The following ASIC5 variants were observed in gnomAD, a reference collection of about 807,000 sequenced individuals.
The protein encoded by ASIC5 is acid sensing ion channel subunit family member 5.
Under a neutral mutation model 51.2 loss-of-function variants are expected in ASIC5, and 52 were observed. The ratio of observed to expected loss-of-function variants is 1.02; its 90% confidence interval spans 0.81 to 1.28. The LOEUF (loss-of-function observed/expected upper bound fraction) is 1.28. Ranked by LOEUF, ASIC5 falls within the 50% of genes most tolerant of loss-of-function variation. The probability of loss-of-function intolerance (pLI) is 0.00; values close to 1 mark genes in which losing one functional copy is unlikely to be tolerated. For synonymous variants in ASIC5, 231 were observed against 200.7 expected (o/e 1.15, Z -1.28); for missense variants, 635 against 595.0 (o/e 1.07, Z -0.70).
rs764348626 is a variant in ASIC5, at chr4:155,842,347, T to A, written c.869A>T (p.His290Leu). ...RVTIRQVKTV[H>L]QEYPWGECNP... ...GCATTCTCCCCAAGGGTATTCTTGA[T>A]GAACTGTCTTAAGATAAGATAAATA... Residue 290 changes from histidine (H) to leucine (L), a missense_variant, in exon 6 of 10, where the codon CAT (histidine) becomes CTT (leucine). Transcript: ENST00000537611. The A allele has an allele frequency of 3.1e-6, 5 of 1,612,316 alleles. No individual in the cohort carries two copies. The highest frequency in any genetic ancestry group is 4.2e-6 in the Non-Finnish European group (5 of 1,178,922).
intron 8 of ASIC5, among the ~76,000 whole-genome samples, chr4:155,833,293 C>T (rs1407005675): frequency 6.6e-6 from 1 of 152,028 alleles, no homozygotes; most frequent in African/African-American, 2.4e-5. Context: ...TTTAAAATGG[C>T]AATAATAATA....
At chr4:155,847,934 T>A (rs1382875316) in intron 4 of ASIC5, among the ~76,000 whole-genome samples, 2 of 152,092 alleles carry the variant, frequency 1.3e-5, no homozygotes, top group African/African-American at 4.8e-5. Flanking sequence ...GCATATGGAC[T>A]CCTGTGTCAG....
At chr4:155,844,615 T>TTG (rs147269130) in intron 4 of ASIC5, among the ~76,000 whole-genome samples, 109,849 of 150,534 alleles carry the variant, frequency 0.73, 42,961 homozygotes, top group Non-Finnish European at 0.87. Flanking sequence ...TCTTGTGGGG[T>TTG]TGTGTGTGTG....
At chr4:155,858,395 G>C (rs1273095395) in intron 2 of ASIC5, among the ~76,000 whole-genome samples, 2 of 152,048 alleles carry the variant, frequency 1.3e-5, no homozygotes, top group African/African-American at 2.4e-5. Flanking sequence ...ATATGGCTGT[G>C]CTATGGAACA....
intron 2 of ASIC5, among the ~76,000 whole-genome samples, chr4:155,859,111 T>C (rs1015300148): frequency 1.3e-5 from 2 of 151,976 alleles, no homozygotes; most frequent in African/African-American, 4.8e-5. Context: ...AGGAACAAAA[T>C]GGGAAGCAGT....
Position 155,863,645 on chromosome 4 carries a change from T to C in ASIC5, c.150A>G (p.Ile50Met), listed in dbSNP as rs780716791. 5 of 1,613,912 alleles carry C rather than the reference T, an allele frequency of 3.1e-6. No homozygotes were observed. In the Admixed American group the frequency reaches 6.7e-5, roughly 22 times the overall value. The change falls in exon 2 of 10, where the codon ATA (isoleucine) becomes ATG (methionine). Residue 50 changes from isoleucine (I) to methionine (M), a missense_variant. Physicochemically the swap from Ile to Met is conservative, Grantham distance 10 (BLOSUM62 1). Coordinates refer to ENST00000537611, the MANE Select transcript of ASIC5 (RefSeq NM_017419.3). ...DFAISTSFHG[I>M]HNIVQNRSKI... ...TGCTCCGGTTCTGAACAATATTGTG[T>C]ATCCCATGAAAGGAAGTGGAGATGG... is the stretch of plus-strand genomic sequence containing the variant.
At chr4:155,848,758 C>G (rs28822789) in intron 4 of ASIC5, among the ~76,000 whole-genome samples, 10,954 of 152,078 alleles carry the variant, frequency 0.072, 1,029 homozygotes, top group African/African-American at 0.22. Context: ...AGAGGAAAAA[C>G]TTTCAGGACT....
rs763016293 is a variant in ASIC5 at position 155,843,816 on chromosome 4, A to G, written c.726T>C (p.Asp242=). ...CATCAACGAAACCAAGGGCTGGGTT[A>G]TCAGTGAATGCCTCCTGAAACAAAA... is the stretch of plus-strand genomic sequence containing the variant. ...LFNVNQEAFT[D]NPALGFVDAG... The change falls in exon 5 of 10, where the codon GAT becomes GAC. Residue 242 remains aspartate (D), a synonymous_variant. Transcript: ENST00000537611. 1 of 1,613,536 alleles carries G rather than the reference A, an allele frequency of 6.2e-7. No homozygotes were observed. Among genetic ancestry groups the G allele is most frequent in the East Asian group, 2.2e-5 (1 of 44,832 alleles).
At chr4:155,852,122 A>G (rs2111253971) in intron 4 of ASIC5, 69 bp downstream of exon 4, 2 of 1,557,450 alleles carry the variant, frequency 1.3e-6, no homozygotes, top group South Asian at 2.3e-5. Context: ...ATATGGCCCA[A>G]TAGTCTGATC....
At position 155,831,817 on chromosome 4, in the gene ASIC5, CACTT is replaced by C. The variant is rs770186664; in HGVS notation, c.1327+3_1327+6del. On this transcript the variant is annotated splice_donor_5th_base_variant and intron_variant, in intron 9 of 9. Coordinates refer to ENST00000537611, the MANE Select transcript of ASIC5 (RefSeq NM_017419.3). ...AATAAAATAAGGAGCAATTAAATAA[CACTT>C]ACCAAGTAACTCAGACACACTCACC... 2 of 1,532,258 alleles carry C rather than the reference CACTT, an allele frequency of 1.3e-6. No homozygotes were observed. The highest frequency in any genetic ancestry group is 1.7e-5 in the Admixed American group (1 of 59,262). The allele number at this position is 1,532,258 out of a possible 1,614,324, so 94.9% of individuals were successfully genotyped here.
At chr4:155,844,722 C>T (rs1004645875) in intron 4 of ASIC5, among the ~76,000 whole-genome samples, 5 of 152,008 alleles carry the variant, frequency 3.3e-5, no homozygotes, top group Non-Finnish European at 7.4e-5. Context: ...AAGCACCTTG[C>T]TCCCCTAAGC....
chr4:155,837,926 C>T (rs1741024598), intron 7 of ASIC5, among the ~76,000 whole-genome samples: 1 of 152,068 alleles, frequency 6.6e-6, no homozygotes, highest in African/African-American at 2.4e-5. Context: ...TTTCCCCAAG[C>T]TCTCCCTCCA....
chr4:155,856,994 T>C (rs1383180706), intron 2 of ASIC5, among the ~76,000 whole-genome samples: 1 of 151,768 alleles, frequency 6.6e-6, no homozygotes, highest in Non-Finnish European at 1.5e-5. Flanking sequence ...TTTGAGACCA[T>C]GAGAGTAATT....
At chr4:155,847,674 A>G (rs1040583225) in intron 4 of ASIC5, among the ~76,000 whole-genome samples, 5 of 152,072 alleles carry the variant, frequency 3.3e-5, no homozygotes, top group Non-Finnish European at 5.9e-5. Flanking sequence ...GTGAGCCAAG[A>G]TCATGTCACT....
intron 3 of ASIC5, among the ~76,000 whole-genome samples, chr4:155,852,908 G>C (rs965702018): frequency 1.3e-5 from 2 of 151,946 alleles, no homozygotes; most frequent in Non-Finnish European, 2.9e-5. Flanking sequence ...ATGAGTCTAG[G>C]GGGAGTCAGC....
At chr4:155,838,533 CTTGTT>C (rs1180763522) in intron 7 of ASIC5, among the ~76,000 whole-genome samples, 11 of 152,184 alleles carry the variant, frequency 7.2e-5, no homozygotes, top group African/African-American at 2.4e-4. Flanking sequence ...TCACAATAAA[CTTGTT>C]TTATTTGTGA....
chr4:155,835,598 T>G (rs1265768660), intron 8 of ASIC5, among the ~76,000 whole-genome samples: 3 of 152,182 alleles, frequency 2.0e-5, no homozygotes, highest in Non-Finnish European at 2.9e-5. Context: ...CTAAGTCATA[T>G]TTAAATACAT....
intron 4 of ASIC5, among the ~76,000 whole-genome samples, chr4:155,845,943 AG>A: frequency 6.6e-6 from 1 of 152,034 alleles, no homozygotes. Context: ...AAATAATAAA[AG>A]GGTCTTTATG....
At chr4:155,848,973 C>A (rs377656826) in intron 4 of ASIC5, among the ~76,000 whole-genome samples, 1 of 152,148 alleles carries the variant, frequency 6.6e-6, no homozygotes, top group Non-Finnish European at 1.5e-5. Context: ...TGCCTGATTT[C>A]TCCAGAATTT....
Sources: allele counts gnomAD v4.1 joint callset (sites outside exome capture counted in the v4.1 genomes callset), GRCh38; gene constraint gnomAD v4.1.1; transcripts MANE v1.5; gene names NCBI Gene and HGNC (gene_info 2026-07-23, HGNC 2026-07-21).